The following ATP6V0A4 variants were observed in gnomAD, a reference collection of about 807,000 sequenced individuals.
The protein encoded by ATP6V0A4 is V-type proton ATPase 116 kDa subunit a 4.
Under a neutral mutation model 107.3 loss-of-function variants are expected in ATP6V0A4, and 86 were observed. The ratio of observed to expected loss-of-function variants is 0.80; its 90% CI spans 0.67 to 0.96. The LOEUF is 0.96. Ranked by LOEUF, ATP6V0A4 falls within the 40% of genes least tolerant of loss-of-function variation. The pLI, the probability that ATP6V0A4 is intolerant of heterozygous loss-of-function variation, is 0.00. For missense variants in ATP6V0A4, 908 were observed against 1,045.6 expected (o/e 0.87, Z 1.81); for synonymous variants, 353 against 381.4 (o/e 0.93, Z 0.87).
chr7:138,712,922 A>G (rs73166927), intron 20 of ATP6V0A4, among the ~76,000 whole-genome samples: 14,250 of 152,214 alleles, frequency 0.094, 891 homozygotes, highest in Middle Eastern at 0.15. Context: ...CGAAGCGCTG[A>G]GATCCACTCT....
intron 20 of ATP6V0A4, among the ~76,000 whole-genome samples, chr7:138,715,213 T>C (rs1803973530): frequency 6.6e-6 from 1 of 151,944 alleles, no homozygotes; most frequent in Non-Finnish European, 1.5e-5. Context: ...TGTTTGTCTG[T>C]TTGTTTGAGA....
At chr7:138,779,778 A>T (rs766480516) in intron 2 of ATP6V0A4, among the ~76,000 whole-genome samples, 4 of 152,250 alleles carry the variant, frequency 2.6e-5, no homozygotes, top group Non-Finnish European at 5.9e-5. Context: ...TTAAATACTG[A>T]TATAAAATCA....
In ATP6V0A4 at chr7:138,749,321, GAAAAA is replaced by G; in HGVS notation, c.1030-9_1030-5del. 1 of 1,515,916 alleles carries G rather than the reference GAAAAA, an allele frequency of 6.6e-7. No homozygotes were observed. The highest frequency in any genetic ancestry group is 1.8e-5 in the Admixed American group (1 of 55,672). The allele number at this position is 1,515,916 out of a possible 1,614,324, so 93.9% of individuals were successfully genotyped here. A position where few individuals can be genotyped will look rare whatever the true frequency, so the allele number is the denominator to read the frequency against. Reference sequence around the variant, plus strand: ...CCATGGAGGAGCCACTTAGTTCCTGGAAAAAAAAAAAAAAGCGACAAAGATGTAAG... The same window carrying G: ...CCATGGAGGAGCCACTTAGTTCCTGGAAAAAAAAAGCGACAAAGATGTAAG... On this transcript the variant is annotated splice_polypyrimidine_tract_variant and splice_region_variant and intron_variant, in intron 11 of 21. Coordinates refer to ENST00000310018, the MANE Select transcript of ATP6V0A4 (RefSeq NM_020632.3).
intron 10 of ATP6V0A4, among the ~76,000 whole-genome samples, chr7:138,754,683 C>T (rs1014418496): frequency 1.3e-5 from 2 of 151,844 alleles, no homozygotes; most frequent in African/African-American, 4.8e-5. Flanking sequence ...AGTGCAGTGG[C>T]GCGATCTCGG....
In ATP6V0A4 at chr7:138,733,061, T is replaced by C; in HGVS notation, c.1724A>G (p.Gln575Arg). The change falls in exon 17 of 22, where the codon CAA becomes CGA. Residue 575 changes from glutamine (Q) to arginine (R), a missense_variant. Gln to Arg is a conservative substitution (Grantham distance 43, BLOSUM62 1). Transcript: ENST00000310018. ...GATAAAAATCATCTCAGGGATAAAT[T>C]GCAGAATGATGTTGAGAGTTCTTCT... ...YFRRTLNIIL[Q>R]FIPEMIFILC... 1.2e-6 allele frequency: 2 copies of C among 1,613,994 alleles called. No homozygotes were observed. Among genetic ancestry groups the C allele is most frequent in the Non-Finnish European group, 1.7e-6 (2 of 1,179,958 alleles).
intron 1 of ATP6V0A4, among the ~76,000 whole-genome samples, chr7:138,797,630 T>C (rs542368617): frequency 9.2e-5 from 14 of 152,216 alleles, no homozygotes; most frequent in African/African-American, 3.4e-4. Context: ...TGGGGTTGAA[T>C]GATGCGTGTT....
chr7:138,739,808 A>G (rs1805527442), intron 14 of ATP6V0A4, 175 bp from the exon 15 acceptor site: 4 of 702,260 alleles, frequency 5.7e-6, no homozygotes, highest in South Asian at 6.4e-5. Context: ...TGAGGCTACA[A>G]TCTGAGTTTG....
intron 14 of ATP6V0A4, among the ~76,000 whole-genome samples, chr7:138,742,656 C>T (rs1467921909): frequency 1.3e-5 from 2 of 151,368 alleles, no homozygotes; most frequent in Non-Finnish European, 2.9e-5. Flanking sequence ...TCCCAAGTAG[C>T]TGGAAGCACA....
At chr7:138,794,660 A>T (rs1210324192) in intron 1 of ATP6V0A4, among the ~76,000 whole-genome samples, 2 of 143,810 alleles carry the variant, frequency 1.4e-5, no homozygotes, top group African/African-American at 5.1e-5. Context: ...TCACCCATTT[A>T]AAAAAAAAAA....
chr7:138,762,995 G>A lies in ATP6V0A4; in HGVS notation c.322C>T (p.Gln108Ter). 1.2e-6 allele frequency: 2 copies of A among 1,614,084 alleles called. No individual in the cohort carries two copies. The highest frequency in any genetic ancestry group is 1.7e-6 in the Non-Finnish European group (2 of 1,180,020). ...TVLEKLEGEL[Q>*]EANQNQQALK... ...GCCTGCTGGTTCTGGTTGGCTTCCT[G>A]TAACTCTCCTTCCAGTTTTTCTAGA... Residue 108 changes from glutamine (Q) to a stop codon, truncating the protein, a stop_gained, in exon 6 of 22, where the codon CAG becomes TAG. Coordinates refer to ENST00000310018, the MANE Select transcript of ATP6V0A4 (RefSeq NM_020632.3). LOFTEE classifies it high-confidence loss of function.
intron 20 of ATP6V0A4, among the ~76,000 whole-genome samples, chr7:138,713,280 GAAAA>G (rs10673617): frequency 2.5e-5 from 3 of 120,746 alleles, no homozygotes; most frequent in Admixed American, 9.0e-5. Flanking sequence ...ACTCCAGCCT[GAAAA>G]AAAAAAAAAA....
chr7:138,777,633 T>TACACACACACACAC (rs1176566807), intron 2 of ATP6V0A4, among the ~76,000 whole-genome samples: 37 of 106,376 alleles, frequency 3.5e-4, no homozygotes, highest in African/African-American at 1.4e-3. Context: ...AAAAAAAAAA[T>TACACACACACACAC]ACACACACAC....
intron 1 of ATP6V0A4, among the ~76,000 whole-genome samples, chr7:138,794,368 T>C (rs1049604751): frequency 2.6e-5 from 4 of 152,140 alleles, no homozygotes; most frequent in African/African-American, 4.8e-5. Context: ...ACGGGGCCTA[T>C]CAGAATCACA....
At chr7:138,716,852 C>A (rs1408636743) in intron 19 of ATP6V0A4, among the ~76,000 whole-genome samples, 1 of 152,222 alleles carries the variant, frequency 6.6e-6, no homozygotes, top group East Asian at 1.9e-4. Context: ...GTGTGAGCCA[C>A]TGTGCCTGGC....
At chr7:138,717,389 T>A (rs914610610) in intron 19 of ATP6V0A4, among the ~76,000 whole-genome samples, 2 of 151,246 alleles carry the variant, frequency 1.3e-5, no homozygotes, top group African/African-American at 4.9e-5. Flanking sequence ...CTACTAAAAA[T>A]TAAAAAATTA....
rs149973651 is a variant in ATP6V0A4 at position 138,747,759 on chromosome 7, T to C, written c.1181-195A>G. The C allele has an allele frequency of 3.2e-6, 3 of 930,928 alleles. No individual in the cohort carries two copies. The African/African-American group carries it at 5.0e-5, about 16-fold the overall frequency. 57.7% of individuals were successfully genotyped at this position (930,928 alleles called of 1,614,324 possible). A position where few individuals can be genotyped will look rare whatever the true frequency, so the allele number is the denominator to read the frequency against. ...TGCATCTGTTCCTAGGCATTCTGTTTTTCAATTTTTTTTGAAAGTGGGTCT... is the reference window on the plus strand; with the variant it reads ...TGCATCTGTTCCTAGGCATTCTGTTCTTCAATTTTTTTTGAAAGTGGGTCT... On this transcript the variant is annotated intron_variant, in intron 12 of 21. Coordinates refer to ENST00000310018, the MANE Select transcript of ATP6V0A4 (RefSeq NM_020632.3).
intron 14 of ATP6V0A4, among the ~76,000 whole-genome samples, 197 bp downstream of exon 14, chr7:138,744,926 C>T (rs1005836432): frequency 6.6e-6 from 1 of 152,216 alleles, no homozygotes; most frequent in Non-Finnish European, 1.5e-5. Context: ...TGGTCTCGAA[C>T]TCCTAACCTC....
intron 11 of ATP6V0A4, among the ~76,000 whole-genome samples, chr7:138,750,945 C>T (rs1421517535): frequency 4.6e-5 from 7 of 152,142 alleles, no homozygotes; most frequent in Admixed American, 4.6e-4. Context: ...AAAGCTCCCA[C>T]CTTCTAACCC....
chr7:138,784,038 G>A (rs910390966), intron 2 of ATP6V0A4, among the ~76,000 whole-genome samples: 28 of 151,754 alleles, frequency 1.8e-4, no homozygotes, highest in Non-Finnish European at 7.4e-5. Context: ...CCCCAAAAGG[G>A]TGCCCATTGG....
Sources: gnomAD v4.1 joint callset for allele counts (sites outside exome capture counted in the v4.1 genomes callset) on GRCh38, gnomAD v4.1.1 for gene constraint, MANE v1.5 for transcripts, NCBI Gene and HGNC (gene_info 2026-07-23, HGNC 2026-07-21) for gene names.